Variants in TOMM7 observed in about 807,000 individuals in gnomAD.
The protein encoded by TOMM7 is mitochondrial import receptor subunit TOM7 homolog.
In TOMM7, 8 loss-of-function variants were observed where a neutral mutation model predicts 9.5. The ratio of observed to expected loss-of-function variants is 0.84; its 90% CI spans 0.49 to 1.51. The LOEUF (loss-of-function observed/expected upper bound fraction) is 1.51. Ranked by LOEUF, TOMM7 falls within the 40% of genes most tolerant of loss-of-function variation. The pLI is 0.00. For missense variants in TOMM7, 74 were observed against 63.7 expected (o/e 1.16, Z -0.55); for synonymous variants, 27 against 21.4 (o/e 1.26, Z -0.72).
chr7:22,814,248 G>A (rs58483145), intron 2 of TOMM7, among the ~76,000 whole-genome samples: 5,513 of 151,464 alleles, frequency 0.036, 151 homozygotes, highest in African/African-American at 0.069. Flanking sequence ...TACTCAGGAG[G>A]CTGAGGCAGG....
At position 22,813,147 on chromosome 7, in the gene TOMM7, A is replaced by T. The variant is rs1782270062; in HGVS notation, c.*23T>A. On this transcript the variant is annotated 3_prime_UTR_variant, in exon 3 of 3. Transcript: ENST00000358435. ...CCATGCTGTCCGCTGATTGCCTCCA[A>T]ATCCAGAAGACCAAATAATCCTTTA... 1 of 1,613,748 alleles carries T rather than the reference A, an allele frequency of 6.2e-7. No homozygotes were observed. Among genetic ancestry groups the T allele is most frequent in the Admixed American group, 1.7e-5 (1 of 59,990 alleles).
intron 1 of TOMM7, 146 bp downstream of exon 1, chr7:22,822,531 T>A: frequency 1.3e-6 from 1 of 779,006 alleles, no homozygotes; most frequent in Admixed American, 2.3e-5. Context: ...TCAGGTTAGA[T>A]CGGCCCCACT....
intron 2 of TOMM7, among the ~76,000 whole-genome samples, chr7:22,813,671 C>A (rs988296553): frequency 6.6e-6 from 1 of 151,562 alleles, no homozygotes; most frequent in Non-Finnish European, 1.5e-5. Flanking sequence ...GGGTAGAGTG[C>A]GATGTGGCCT....
intron 2 of TOMM7, among the ~76,000 whole-genome samples, chr7:22,815,945 C>A (rs1583462649): frequency 6.6e-6 from 1 of 152,244 alleles, no homozygotes; most frequent in East Asian, 1.9e-4. Flanking sequence ...AGCAGATTTC[C>A]ATCCAGTGGA....
rs267601461 is a variant in TOMM7 at position 22,822,729 on chromosome 7, C to T, written c.51G>A (p.Lys17=). The part of the protein sequence containing the change: ...EAKQRLQQLF[K]GSQFAIRWGF... ...CCCAGCGAATGGCAAACTGGCTCCC[C>T]TTGAAGAGCTGCTGTAGTCTCTGCT... Residue 17 remains lysine (K), a synonymous_variant, in exon 1 of 3, where the codon AAG becomes AAA. Transcript: ENST00000358435. 6.2e-7 allele frequency: 1 copy of T among 1,614,232 alleles called. No individual in the cohort carries two copies. The highest frequency in any genetic ancestry group is 8.5e-7 in the Non-Finnish European group (1 of 1,180,040).
chr7:22,814,170 T>TAA (rs5882860), intron 2 of TOMM7, among the ~76,000 whole-genome samples: 17,762 of 139,016 alleles, frequency 0.13, 1,450 homozygotes, highest in African/African-American at 0.23. Context: ...CCCTGTCTCT[T>TAA]AAAAAAAAAA....
chr7:22,820,919 A>G (rs914283654), intron 1 of TOMM7, among the ~76,000 whole-genome samples: 1 of 151,270 alleles, frequency 6.6e-6, no homozygotes, highest in African/African-American at 2.5e-5. Flanking sequence ...ACAGCTGCTT[A>G]GTCAGAGTGT....
At chr7:22,820,480 G>C (rs1045237462) in intron 1 of TOMM7, among the ~76,000 whole-genome samples, 7 of 152,236 alleles carry the variant, frequency 4.6e-5, no homozygotes, top group Non-Finnish European at 8.8e-5. Flanking sequence ...AAACAGGGAG[G>C]AGGAGGGAAC....
intron 2 of TOMM7, among the ~76,000 whole-genome samples, chr7:22,816,217 G>C (rs985553591): frequency 6.6e-6 from 1 of 152,144 alleles, no homozygotes; most frequent in African/African-American, 2.4e-5. Context: ...TATTAGGTAG[G>C]TATTATTATC....
chr7:22,815,108 G>T (rs1237714871), intron 2 of TOMM7, among the ~76,000 whole-genome samples: 1 of 152,120 alleles, frequency 6.6e-6, no homozygotes, highest in African/African-American at 2.4e-5. Context: ...ACCAGAAGAT[G>T]CTCTTAATGA....
intron 2 of TOMM7, among the ~76,000 whole-genome samples, chr7:22,813,609 C>T (rs1252141262): frequency 6.6e-6 from 1 of 151,882 alleles, no homozygotes; most frequent in Non-Finnish European, 1.5e-5. Context: ...AACTACGATC[C>T]CTATTTTAAT....
intron 1 of TOMM7, among the ~76,000 whole-genome samples, chr7:22,820,578 G>C (rs995076828): frequency 6.6e-6 from 1 of 152,094 alleles, no homozygotes; most frequent in Non-Finnish European, 1.5e-5. Flanking sequence ...TACACGCAGT[G>C]AAAAAAGGTG....
intron 1 of TOMM7, chr7:22,822,369 T>C: frequency 1.5e-6 from 2 of 1,292,330 alleles, no homozygotes; most frequent in Non-Finnish European, 2.1e-6. Context: ...GAGAGTGAAT[T>C]AGTGACTTTC....
intron 1 of TOMM7, 32 bp downstream of exon 1, chr7:22,822,644 TC>T: frequency 6.3e-7 from 1 of 1,581,460 alleles, no homozygotes; most frequent in Non-Finnish European, 8.7e-7. Flanking sequence ...CCCTCTTCCC[TC>T]CAGTCACTTT....
rs774588880 is a variant in TOMM7 at position 22,822,740 on chromosome 7, G to A, written c.40C>T (p.Gln14Ter). 1 of 1,614,198 alleles carries A rather than the reference G, an allele frequency of 6.2e-7. No individual in the cohort carries two copies. The highest frequency in any genetic ancestry group is 8.5e-7 in the Non-Finnish European group (1 of 1,180,038). The change falls in exon 1 of 3, where the codon CAG (glutamine) becomes TAG (stop). Residue 14 changes from glutamine (Q) to a stop codon, truncating the protein, a stop_gained. Transcript: ENST00000358435. LOFTEE classifies it high-confidence loss of function. ...LSKEAKQRLQ[Q>*]LFKGSQFAIR... ...GCAAACTGGCTCCCCTTGAAGAGCT[G>A]CTGTAGTCTCTGCTTGGCCTCTTTG...
Position 22,818,026 on chromosome 7 carries a change from G to T in TOMM7, c.126C>A (p.Pro42=), listed in dbSNP as rs141512738. The stretch of plus-strand genomic sequence containing the variant: ...TCAAAACAGTTGGTTCAGGCATTCC[G>T]GGATCTGCACCCCTCTTAAATCCTG... ...IYLGFKRGAD[P]GMPEPTVLSL... The change falls in exon 2 of 3, where the codon CCC becomes CCA. Residue 42 remains proline (P), a synonymous_variant. Coordinates refer to ENST00000358435, the MANE Select transcript of TOMM7 (RefSeq NM_019059.5). 3 of 1,613,734 alleles carry T rather than the reference G, an allele frequency of 1.9e-6. No individual in the cohort carries two copies. Among genetic ancestry groups the T allele is most frequent in the Non-Finnish European group, 2.5e-6 (3 of 1,179,932 alleles).
At chr7:22,822,624 G>C (rs779695074) in intron 1 of TOMM7, 53 bp downstream of exon 1, 3 of 1,520,604 alleles carry the variant, frequency 2.0e-6, no homozygotes, top group Non-Finnish European at 2.7e-6. Flanking sequence ...TGGGGCTGCT[G>C]TCTCCGCCAC....
intron 2 of TOMM7, among the ~76,000 whole-genome samples, chr7:22,816,935 C>A (rs533228515): frequency 6.6e-6 from 1 of 152,282 alleles, no homozygotes; most frequent in African/African-American, 2.4e-5. Context: ...CTGACACATT[C>A]TAGGTGATAG....
At chr7:22,821,419 A>G (rs4719715) in intron 1 of TOMM7, among the ~76,000 whole-genome samples, 65,598 of 147,052 alleles carry the variant, frequency 0.45, 16,711 homozygotes, top group African/African-American at 0.69. Context: ...AAAAAAAAAA[A>G]AAAAGAAAAA....
Sources: allele counts gnomAD v4.1 joint callset (sites outside exome capture counted in the v4.1 genomes callset), GRCh38; gene constraint gnomAD v4.1.1; transcripts MANE v1.5; gene names NCBI Gene and HGNC (gene_info 2026-07-23, HGNC 2026-07-21).